SCN4A: variants seen among roughly 807,000 people sequenced by gnomAD.
SCN4A encodes the protein sodium voltage-gated channel alpha subunit 4.
Under a neutral mutation model 162.0 loss-of-function variants are expected in SCN4A, and 83 were observed. The ratio of observed to expected loss-of-function variants is 0.51; its 90% CI spans 0.43 to 0.61. The LOEUF (loss-of-function observed/expected upper bound fraction) is 0.61. Among genes scored for constraint, SCN4A ranks in the 20% least tolerant of loss-of-function variants. The pLI is 0.00. For missense variants in SCN4A, 2,196 were observed against 2,462.5 expected (o/e 0.89, Z 2.29); for synonymous variants, 944 against 985.1 (o/e 0.96, Z 0.78).
In SCN4A at chr17:63,940,530, T is replaced by C; in HGVS notation, c.*241A>G. On this transcript the variant is annotated 3_prime_UTR_variant, in exon 24 of 24. Coordinates refer to ENST00000435607, the MANE Select transcript of SCN4A (RefSeq NM_000334.4). ...GTCAGAGCAACTTGCAGGTTAAATC[T>C]TGGAGGCAGGGGCCTCAGACCCAGC... is the stretch of plus-strand genomic sequence containing the variant. The C allele has an allele frequency of 4.2e-6, 2 of 472,866 alleles. No homozygotes were observed. The highest frequency in any genetic ancestry group is 2.0e-5 in the African/African-American group (1 of 50,392). The allele number at this position is 472,866 out of a possible 1,614,324, so 29.3% of individuals were successfully genotyped here. A position where few individuals can be genotyped will look rare whatever the true frequency, so the allele number is the denominator to read the frequency against.
rs1405398919 is a variant in SCN4A, at chr17:63,943,772, G to A, written c.3991C>T (p.Pro1331Ser). Residue 1331 changes from proline to serine, a missense_variant, in exon 22 of 24, where the codon CCT becomes TCT. Pro to Ser is a moderately conservative substitution (Grantham distance 74, BLOSUM62 -1). Transcript: ENST00000435607. ...NAMKKLGSKK[P>S]QKPIPRPQNK... Reference sequence around the variant, plus strand: ...TGGGGCCGGGGAATTGGCTTCTGAGGCTTCTTGGAGCCAAGCTTCTTCATG... The same window carrying A: ...TGGGGCCGGGGAATTGGCTTCTGAGACTTCTTGGAGCCAAGCTTCTTCATG... The A allele has an allele frequency of 6.2e-7, 1 of 1,612,580 alleles. No individual in the cohort carries two copies. Among genetic ancestry groups the A allele is most frequent in the South Asian group, 1.1e-5 (1 of 91,042 alleles).
In SCN4A at chr17:63,944,139, T is replaced by C. The variant is rs1411095031; in HGVS notation, c.3913-289A>G. Among the ~76,000 whole-genome samples, 5 of 151,904 alleles carry C rather than the reference T, an allele frequency of 3.3e-5. No homozygotes were observed. The highest frequency in any genetic ancestry group is 3.3e-4 in the Admixed American group (5 of 15,246). ...ACCCACAAGGCAGGTTGTAGCAGCCTCGTCTTTTTTTTTGTTGTTGAGATG... is the reference window on the plus strand; with the variant it reads ...ACCCACAAGGCAGGTTGTAGCAGCCCCGTCTTTTTTTTTGTTGTTGAGATG... On this transcript the variant is annotated intron_variant, in intron 21 of 23. Coordinates refer to ENST00000435607, the MANE Select transcript of SCN4A (RefSeq NM_000334.4). The surrounding 1 kb of genome is among the most constrained non-coding windows in gnomAD (Gnocchi z 4.3).
intron 13 of SCN4A, among the ~76,000 whole-genome samples, chr17:63,954,922 G>A (rs1035527894): frequency 3.9e-5 from 6 of 152,150 alleles, no homozygotes; most frequent in South Asian, 2.1e-4. Context: ...TCCCACACAC[G>A]GGACAGACTC....
At chr17:63,969,224 C>T (rs998877850) in intron 5 of SCN4A, among the ~76,000 whole-genome samples, 10 of 152,258 alleles carry the variant, frequency 6.6e-5, no homozygotes, top group Admixed American at 4.6e-4. Flanking sequence ...TAGTAGCACC[C>T]GAGGAACAGC....
chr17:63,972,149 A>G lies in SCN4A; in HGVS notation c.469T>C (p.Ser157Pro). ...FMTMSDPPPW[S>P]KNVEYTFTGI... ...AGGGAGACTTACTCCACATTCTTGG[A>G]CCAGGGAGGCGGGTCACTCATGGTC... The change falls in exon 3 of 24, where the codon TCC (serine) becomes CCC (proline). Residue 157 changes from serine to proline, a missense_variant. Coordinates refer to ENST00000435607, the MANE Select transcript of SCN4A (RefSeq NM_000334.4). The surrounding 1 kb of genome is among the most constrained non-coding windows in gnomAD (Gnocchi z 4.3). 1.2e-6 allele frequency: 2 copies of G among 1,612,912 alleles called. No homozygotes were observed. Among genetic ancestry groups the G allele is most frequent in the Non-Finnish European group, 1.7e-6 (2 of 1,179,358 alleles).
At position 63,957,303 on chromosome 17, in the gene SCN4A, A is replaced by G. The variant is rs777157991; in HGVS notation, c.2235T>C (p.His745=). The change falls in exon 13 of 24, where the codon CAT becomes CAC. Residue 745 remains histidine (H), a synonymous_variant. Coordinates refer to ENST00000435607, the MANE Select transcript of SCN4A (RefSeq NM_000334.4). ...LDCNLPRWHM[H]DFFHSFLIVF... Reference sequence around the variant, plus strand: ...CGATGAGGAAGGAGTGGAAGAAATCATGCATGTGCCAGCGCGGCAGGTTGC... The same window carrying G: ...CGATGAGGAAGGAGTGGAAGAAATCGTGCATGTGCCAGCGCGGCAGGTTGC... The G allele has an allele frequency of 4.3e-6, 7 of 1,614,092 alleles. No homozygotes were observed. The African/African-American group carries it at 5.3e-5, about 12-fold the overall frequency.
intron 23 of SCN4A, among the ~76,000 whole-genome samples, 195 bp downstream of exon 23, chr17:63,942,631 C>T (rs1908578547): frequency 6.6e-6 from 1 of 152,230 alleles, no homozygotes; most frequent in Non-Finnish European, 1.5e-5. Flanking sequence ...GAGGTGCATC[C>T]ATGTGTGCGC....
chr17:63,947,775 T>C, intron 17 of SCN4A, 115 bp downstream of exon 17: 1 of 1,008,658 alleles, frequency 9.9e-7, no homozygotes, highest in Non-Finnish European at 1.4e-6. Context: ...ATTGAGGGTC[T>C]GACTCTGGGG....
chr17:63,940,861 C>T lies in SCN4A; in HGVS notation c.5421G>A (p.Leu1807=). Residue 1807 remains leucine (L), a synonymous_variant, in exon 24 of 24, where the codon CTG becomes CTA. Transcript: ENST00000435607. ...CAGTGTCTGAGGGGCTGATGGGCAT[C>T]AGCCCCATAGTGGGTCCGGCGTCCC... ...EAGDAGPTMG[L]MPISPSDTAW... 1 of 1,613,158 alleles carries T rather than the reference C, an allele frequency of 6.2e-7. No homozygotes were observed. Among genetic ancestry groups the T allele is most frequent in the Non-Finnish European group, 8.5e-7 (1 of 1,179,610 alleles).
chr17:63,959,160 A>C, intron 12 of SCN4A, 105 bp downstream of exon 12: 6 of 1,013,272 alleles, frequency 5.9e-6, no homozygotes, highest in Non-Finnish European at 8.7e-6. Context: ...CCTCGTTTTC[A>C]GCCCTCTAGC....
chr17:63,963,703 G>T lies in SCN4A; in HGVS notation c.1575C>A (p.Ser525Arg). 1 of 1,595,870 alleles carries T rather than the reference G, an allele frequency of 6.3e-7. No homozygotes were observed. Among genetic ancestry groups the T allele is most frequent in the Non-Finnish European group, 8.5e-7 (1 of 1,171,138 alleles). ...TGGCGTCGGAGATGCCGCTGTCTCCGCTGCTGCTCTGCCTCGGGGCTCCCT... is the reference window on the plus strand; with the variant it reads ...TGGCGTCGGAGATGCCGCTGTCTCCTCTGCTGCTCTGCCTCGGGGCTCCCT... ...GEKGAPRQSS[S>R]GDSGISDAME... Residue 525 changes from serine to arginine, a missense_variant, in exon 10 of 24, where the codon AGC becomes AGA. By Grantham distance (110) the Ser-to-Arg change is moderately radical (BLOSUM62 -1). Coordinates refer to ENST00000435607, the MANE Select transcript of SCN4A (RefSeq NM_000334.4).
chr17:63,966,639 G>A (rs753823683), intron 6 of SCN4A, 95 bp from the exon 7 acceptor site: 55 of 903,688 alleles, frequency 6.1e-5, no homozygotes, highest in Admixed American at 3.0e-4. Flanking sequence ...AGGTCTGCGC[G>A]TACCACATAA....
At chr17:63,954,510 G>A (rs149731337) in intron 13 of SCN4A, among the ~76,000 whole-genome samples, 88 of 152,274 alleles carry the variant, frequency 5.8e-4, no homozygotes, top group Admixed American at 1.9e-3. Context: ...GAGGAGGGGA[G>A]GGGGCCGACA....
intron 5 of SCN4A, among the ~76,000 whole-genome samples, chr17:63,968,892 T>C (rs2144810902): frequency 6.6e-6 from 1 of 152,374 alleles, no homozygotes; most frequent in East Asian, 1.9e-4. Flanking sequence ...CAGGCTGGAA[T>C]GCAGTGGCGT....
In SCN4A at chr17:63,941,447, A is replaced by T. The variant is rs1908528023; in HGVS notation, c.4835T>A (p.Leu1612His). Residue 1612 changes from leucine (L) to histidine (H), a missense_variant, in exon 24 of 24, where the codon CTT (leucine) becomes CAT (histidine). By Grantham distance (99) the Leu-to-His change is moderately conservative. Transcript: ENST00000435607. This position sits in a 1 kb window ranked among gnomAD's most constrained non-coding sequence, Gnocchi z 6.2. ...GAACATCTCAAAGTCATCTTCACCA[A>T]GGGGCTCGCTGCTCTCCTCTGTGGC... ...NVATEESSEP[L>H]GEDDFEMFYE... 1 of 1,614,074 alleles carries T rather than the reference A, an allele frequency of 6.2e-7. No individual in the cohort carries two copies. Among genetic ancestry groups the T allele is most frequent in the Non-Finnish European group, 8.5e-7 (1 of 1,180,012 alleles).
chr17:63,956,778 T>C (rs1046579568), intron 13 of SCN4A, among the ~76,000 whole-genome samples: 22 of 152,374 alleles, frequency 1.4e-4, no homozygotes, highest in Admixed American at 3.3e-4. Flanking sequence ...GAGCTGGGAC[T>C]GGAATGTGGG....
chr17:63,943,203 CAGAGATGACAGAGAG>C (rs1229248572), intron 22 of SCN4A, 107 bp from the exon 23 acceptor site: 12,915 of 930,292 alleles, frequency 0.014, no homozygotes, highest in East Asian at 0.018. Context: ...ACAGAGATGA[CAGAGATGACAGAGAG>C]AGAGAGAGAG....
At position 63,951,622 on chromosome 17, in the gene SCN4A, C is replaced by T. The variant is rs750736179; in HGVS notation, c.2655G>A (p.Glu885=). ...GGATGTGATTGTCCTTCTTCAGGTCCTCCTCGGGCGGCTCCTTCTTCTCAT... is the reference window on the plus strand; with the variant it reads ...GGATGTGATTGTCCTTCTTCAGGTCTTCCTCGGGCGGCTCCTTCTTCTCAT... ...PEDEKKEPPE[E]DLKKDNHILN... The change falls in exon 14 of 24, where the codon GAG becomes GAA. Residue 885 remains glutamate, a synonymous_variant. Coordinates refer to ENST00000435607, the MANE Select transcript of SCN4A (RefSeq NM_000334.4). This position sits in a 1 kb window ranked among gnomAD's most constrained non-coding sequence, Gnocchi z 4.5. 4 of 1,613,470 alleles carry T rather than the reference C, an allele frequency of 2.5e-6. No individual in the cohort carries two copies. The highest frequency in any genetic ancestry group is 3.4e-6 in the Non-Finnish European group (4 of 1,179,728).
At chr17:63,966,439 G>C (rs374419108) in intron 7 of SCN4A, 42 bp downstream of exon 7, 2 of 1,580,490 alleles carry the variant, frequency 1.3e-6, no homozygotes, top group Admixed American at 3.3e-5. Flanking sequence ...CACCTTCCAA[G>C]ACCCCTGGGG....
Sources: allele counts gnomAD v4.1 joint callset (sites outside exome capture counted in the v4.1 genomes callset), GRCh38; gene constraint gnomAD v4.1.1; non-coding constraint Gnocchi (gnomAD v3.1); transcripts MANE v1.5; gene names NCBI Gene and HGNC (gene_info 2026-07-23, HGNC 2026-07-21).